WWOX: variants seen among roughly 807,000 people sequenced by gnomAD.
The protein encoded by WWOX is WW domain containing oxidoreductase.
WWOX carries 69 observed loss-of-function variants against 46.2 expected under a neutral mutation model. That is an observed-to-expected ratio of 1.49 (90% CI 1.23 to 1.82). The LOEUF (loss-of-function observed/expected upper bound fraction) is 1.82, where lower values mean the gene tolerates loss of function less well. Among genes scored for constraint, WWOX ranks in the 40% most tolerant of loss-of-function variants. The pLI, the probability that WWOX is intolerant of heterozygous loss-of-function variation, is 0.00. For missense variants in WWOX, 919 were observed against 542.6 expected (o/e 1.69, Z -6.89); for synonymous variants, 359 against 202.6 (o/e 1.77, Z -6.56).
At chr16:78,141,114 G>C (rs1303845794) in intron 4 of WWOX, among the ~76,000 whole-genome samples, 1 of 152,166 alleles carries the variant, frequency 6.6e-6, no homozygotes, top group African/African-American at 2.4e-5. Context: ...CCTGCTTTTG[G>C]ATCACAGAGC....
chr16:79,034,924 G>C (rs188542766), intron 8 of WWOX, among the ~76,000 whole-genome samples: 110 of 152,194 alleles, frequency 7.2e-4, no homozygotes, highest in Non-Finnish European at 9.9e-4. Flanking sequence ...TTTTGCAAAT[G>C]ATCTTCTAGT....
intron 5 of WWOX, among the ~76,000 whole-genome samples, chr16:78,315,863 T>A (rs1242626159): frequency 6.6e-6 from 1 of 152,016 alleles, no homozygotes; most frequent in Non-Finnish European, 1.5e-5. Flanking sequence ...CACCAAAAAT[T>A]CCCAGCCACA....
rs115618772 is a variant in WWOX, at chr16:79,147,092, T to C, written c.1057-64516T>C. Among the ~76,000 whole-genome samples, 245 of 152,358 alleles carry C rather than the reference T, an allele frequency of 1.6e-3. 1 individual carries two copies. Among genetic ancestry groups the C allele is most frequent in the African/African-American group, 5.5e-3 (227 of 41,578 alleles). On this transcript the variant is annotated intron_variant, in intron 8 of 8. Transcript: ENST00000566780. ...TTATTCAGATTTCTCATTTTACCTG[T>C]ACTCAAGTGTGTATATGTGTGTCTG...
Position 78,329,183 on chromosome 16 carries a change from A to G in WWOX, c.517-57677A>G, listed in dbSNP as rs1439049667. 3.9e-5 allele frequency among the ~76,000 whole-genome samples: 6 copies of G among 152,180 alleles called. No individual in the cohort carries two copies. In the East Asian group the frequency reaches 5.8e-4, roughly 15 times the overall value. On this transcript the variant is annotated intron_variant, in intron 5 of 8. Transcript: ENST00000566780. ...GCCTGCTGATATATTTTTAATTATC[A>G]TAAGAAACAGTTAAAGTGAAATTGC...
At chr16:78,961,779 C>A (rs183901661) in intron 8 of WWOX, among the ~76,000 whole-genome samples, 6 of 152,236 alleles carry the variant, frequency 3.9e-5, no homozygotes, top group Admixed American at 3.9e-4. Context: ...TAAACAAGTA[C>A]CTCAGGTTAT....
chr16:78,590,755 G>A, intron 8 of WWOX, among the ~76,000 whole-genome samples: 1 of 152,150 alleles, frequency 6.6e-6, no homozygotes, highest in East Asian at 1.9e-4. Flanking sequence ...TGGGATCAGT[G>A]CCAGGTCTAA....
intron 4 of WWOX, among the ~76,000 whole-genome samples, chr16:78,129,065 T>G (rs2033481571): frequency 6.6e-6 from 1 of 152,184 alleles, no homozygotes; most frequent in South Asian, 2.1e-4. Context: ...GTCAGATTTT[T>G]GGCAAGGGAT....
intron 8 of WWOX, among the ~76,000 whole-genome samples, chr16:78,650,002 C>A (rs2046930913): frequency 6.6e-6 from 1 of 152,068 alleles, no homozygotes; most frequent in South Asian, 2.1e-4. Flanking sequence ...ATATTTTTTT[C>A]TTTCAATTAC....
chr16:78,740,420 G>C (rs1403874039), intron 8 of WWOX, among the ~76,000 whole-genome samples: 1 of 152,164 alleles, frequency 6.6e-6, no homozygotes, highest in African/African-American at 2.4e-5. Context: ...GCGTCCTTTG[G>C]CTTGGACCTT....
chr16:78,595,597 A>G (rs1020049444), intron 8 of WWOX, among the ~76,000 whole-genome samples: 1 of 152,224 alleles, frequency 6.6e-6, no homozygotes, highest in Non-Finnish European at 1.5e-5. Context: ...TCCTTAAGAT[A>G]GGGCAGGCAG....
At chr16:78,719,106 G>C in intron 8 of WWOX, among the ~76,000 whole-genome samples, 1 of 152,160 alleles carries the variant, frequency 6.6e-6, no homozygotes, top group East Asian at 1.9e-4. Flanking sequence ...ACGCACAACT[G>C]GTTTCAAATC....
At chr16:79,054,253 T>A (rs1022410797) in intron 8 of WWOX, among the ~76,000 whole-genome samples, 10 of 152,294 alleles carry the variant, frequency 6.6e-5, no homozygotes, top group African/African-American at 2.2e-4. Flanking sequence ...ATTCATCAAG[T>A]GTCTATACGA....
chr16:78,534,416 G>A (rs1217897557), intron 8 of WWOX: 1 of 152,160 alleles, frequency 6.6e-6, no homozygotes, highest in Non-Finnish European at 1.5e-5. Context: ...CCATTGAGAG[G>A]CTCATGGTGA....
intron 8 of WWOX, among the ~76,000 whole-genome samples, chr16:78,861,658 C>T (rs1269410120): frequency 6.6e-6 from 1 of 152,084 alleles, no homozygotes; most frequent in Non-Finnish European, 1.5e-5. Context: ...GAAGTGAAGG[C>T]CCATTTTTCC....
At chr16:78,470,341 C>A (rs568995641) in intron 8 of WWOX, among the ~76,000 whole-genome samples, 2 of 152,310 alleles carry the variant, frequency 1.3e-5, no homozygotes, top group East Asian at 3.9e-4. Flanking sequence ...ATCTTTGCCT[C>A]ACCTGATGTA....
intron 6 of WWOX, among the ~76,000 whole-genome samples, chr16:78,392,753 G>T (rs1291682697): frequency 6.6e-6 from 1 of 152,160 alleles, no homozygotes; most frequent in Admixed American, 6.5e-5. Flanking sequence ...TTCAGAGGCA[G>T]TGGTGTAATC....
chr16:79,153,341 C>G (rs75808799), intron 8 of WWOX, among the ~76,000 whole-genome samples: 2 of 152,234 alleles, frequency 1.3e-5, no homozygotes, highest in East Asian at 3.9e-4. Flanking sequence ...CACGCCAAGC[C>G]GCCCTTTCAG....
intron 8 of WWOX, among the ~76,000 whole-genome samples, chr16:78,666,538 C>G (rs1290318040): frequency 6.6e-6 from 1 of 152,186 alleles, no homozygotes; most frequent in South Asian, 2.1e-4. Flanking sequence ...TTTATTTACT[C>G]TCTAGAACCA....
At chr16:78,696,518 C>G (rs1014086125) in intron 8 of WWOX, among the ~76,000 whole-genome samples, 12 of 152,012 alleles carry the variant, frequency 7.9e-5, no homozygotes, top group Non-Finnish European at 4.4e-5. Context: ...AGGATACTCT[C>G]TCACAATGCT....
Sources: gnomAD v4.1 joint callset for allele counts (sites outside exome capture counted in the v4.1 genomes callset) on GRCh38, gnomAD v4.1.1 for gene constraint, MANE v1.5 for transcripts, NCBI Gene and HGNC (gene_info 2026-07-23, HGNC 2026-07-21) for gene names.